AGBL4: variants seen among roughly 807,000 people sequenced by gnomAD.
The protein encoded by AGBL4 is AGBL carboxypeptidase 4.
In AGBL4, 58 loss-of-function variants were observed where a neutral mutation model predicts 66.4. The observed-to-expected ratio is 0.87, with a 90% CI of 0.71 to 1.09. The LOEUF (loss-of-function observed/expected upper bound fraction) is 1.09, where lower values mean the gene tolerates loss of function less well. Ranked by LOEUF, AGBL4 falls within the 50% of genes least tolerant of loss-of-function variation. AGBL4 has a pLI of 0.00. For synonymous variants in AGBL4, 234 were observed against 222.9 expected, an observed-to-expected ratio of 1.05 and a Z score of -0.44; for missense variants, 579 against 631.0, an observed-to-expected ratio of 0.92 and a Z score of 0.88.
intron 4 of AGBL4, among the ~76,000 whole-genome samples, chr1:49,129,937 A>C (rs566756784): frequency 6.6e-5 from 10 of 152,326 alleles, no homozygotes; most frequent in Admixed American, 2.0e-4. Flanking sequence ...CCAACAGTGT[A>C]AAAGTGTTCC....
intron 3 of AGBL4, among the ~76,000 whole-genome samples, chr1:49,428,755 A>C (rs193000606): frequency 1.3e-5 from 2 of 152,362 alleles, no homozygotes; most frequent in African/African-American, 4.8e-5. Context: ...TCGTTGGACT[A>C]GGCCATTTTG....
intron 2 of AGBL4, among the ~76,000 whole-genome samples, chr1:49,821,213 T>C (rs1035217658): frequency 1.3e-5 from 2 of 152,200 alleles, no homozygotes; most frequent in African/African-American, 4.8e-5. Flanking sequence ...ATTTAATAAA[T>C]GTGTATTGAG....
At chr1:48,608,286 C>T (rs1023138811) in intron 9 of AGBL4, among the ~76,000 whole-genome samples, 3 of 152,032 alleles carry the variant, frequency 2.0e-5, no homozygotes, top group African/African-American at 4.8e-5. Flanking sequence ...TCAGAAGAGG[C>T]CTGGGAGCAC....
chr1:49,230,241 G>T (rs1017833672), intron 4 of AGBL4, among the ~76,000 whole-genome samples: 1 of 152,100 alleles, frequency 6.6e-6, no homozygotes, highest in Non-Finnish European at 1.5e-5. Context: ...TTTACCATTT[G>T]TTCATTGAGA....
In AGBL4 at chr1:48,584,991, T is replaced by G. The variant is rs1644796687; in HGVS notation, c.1267+2013A>C. The G allele has an allele frequency of 1.3e-5, 2 of 152,210 alleles. 1 individual carries two copies. The highest frequency in any genetic ancestry group is 4.1e-4 in the South Asian group (2 of 4,828). 9.4% of individuals were successfully genotyped at this position (152,210 alleles called of 1,614,324 possible). On this transcript the variant is annotated intron_variant, in intron 11 of 13. Transcript: ENST00000371839. ...GTAATTATCTCTTCCCTTTTCTGTC[T>G]CCCCAAGTAGACTGAAAGTTCTGTG...
intron 6 of AGBL4, among the ~76,000 whole-genome samples, chr1:48,763,662 C>A (rs1644389962): frequency 6.6e-6 from 1 of 152,182 alleles, no homozygotes; most frequent in African/African-American, 2.4e-5. Flanking sequence ...GCTATGCCTT[C>A]CTGCGCTGAA....
intron 4 of AGBL4, among the ~76,000 whole-genome samples, chr1:49,236,738 C>T (rs919337989): frequency 6.6e-6 from 1 of 152,076 alleles, no homozygotes; most frequent in African/African-American, 2.4e-5. Context: ...CCTGTAACCA[C>T]CACCACAATC....
chr1:48,736,470 AC>A lies in AGBL4; in HGVS notation c.635-73230del. ...AGATGGACCTGAGAGGAATAAGAAC[AC>A]CAGCACCTGTTTAGTCCGACAGGAG... On this transcript the variant is annotated intron_variant, in intron 6 of 13. Transcript: ENST00000371839. This position sits in a 1 kb window ranked among gnomAD's most constrained non-coding sequence, Gnocchi z 4.0. The A allele has an allele frequency of 6.2e-7, 1 of 1,610,730 alleles. No individual in the cohort carries two copies. Among genetic ancestry groups the A allele is most frequent in the Non-Finnish European group, 8.5e-7 (1 of 1,177,208 alleles).
chr1:48,987,479 A>G (rs1432616269), intron 5 of AGBL4, among the ~76,000 whole-genome samples: 1 of 152,042 alleles, frequency 6.6e-6, no homozygotes, highest in Non-Finnish European at 1.5e-5. Context: ...ACAATTCTAA[A>G]TATTTATGCA....
intron 2 of AGBL4, among the ~76,000 whole-genome samples, chr1:49,769,528 A>G (rs941221173): frequency 6.6e-6 from 1 of 152,206 alleles, no homozygotes; most frequent in African/African-American, 2.4e-5. Flanking sequence ...GCAGAAAAAG[A>G]AAGAGCCAGG....
chr1:48,927,529 G>T (rs1654688883), intron 5 of AGBL4, among the ~76,000 whole-genome samples: 1 of 152,136 alleles, frequency 6.6e-6, no homozygotes, highest in South Asian at 2.1e-4. Context: ...CTAGAAACAG[G>T]TTTTCCCTTT....
chr1:48,701,540 A>G (rs1028710560), intron 6 of AGBL4, among the ~76,000 whole-genome samples: 3 of 151,848 alleles, frequency 2.0e-5, no homozygotes, highest in African/African-American at 7.3e-5. Context: ...AGGTGCCATC[A>G]TGGCGCACTG....
At chr1:48,545,809 G>A (rs1052166056) in intron 11 of AGBL4, among the ~76,000 whole-genome samples, 1 of 152,212 alleles carries the variant, frequency 6.6e-6, no homozygotes, top group African/African-American at 2.4e-5. Context: ...GAAATAAAGT[G>A]TGGGTGTAAG....
chr1:48,738,660 TG>T (rs1649443123), intron 6 of AGBL4, among the ~76,000 whole-genome samples: 1 of 152,218 alleles, frequency 6.6e-6, no homozygotes, highest in African/African-American at 2.4e-5. Context: ...TAGAGATGGA[TG>T]CCAACTTTAC....
chr1:49,564,416 T>A (rs1190018231), intron 3 of AGBL4, among the ~76,000 whole-genome samples: 1 of 152,210 alleles, frequency 6.6e-6, no homozygotes, highest in African/African-American at 2.4e-5. Context: ...CAATTTTAGA[T>A]CTTTCCTGCT....
At chr1:49,903,527 A>C (rs1424497137) in intron 1 of AGBL4, among the ~76,000 whole-genome samples, 2 of 152,142 alleles carry the variant, frequency 1.3e-5, no homozygotes, top group Non-Finnish European at 2.9e-5. Context: ...AATAATAATA[A>C]TAATTGTATG....
At chr1:49,348,011 A>G (rs1055894077) in intron 3 of AGBL4, among the ~76,000 whole-genome samples, 6 of 152,116 alleles carry the variant, frequency 3.9e-5, no homozygotes, top group Non-Finnish European at 1.5e-5. Context: ...ATCTGTAAAT[A>G]TTACTTTTTA....
intron 11 of AGBL4, among the ~76,000 whole-genome samples, chr1:48,580,849 C>T (rs1418379167): frequency 6.6e-6 from 1 of 152,174 alleles, no homozygotes; most frequent in Non-Finnish European, 1.5e-5. Context: ...TCTGGCCCAG[C>T]CCCAGCTACC....
chr1:48,804,046 A>C (rs1645867548), intron 6 of AGBL4, among the ~76,000 whole-genome samples: 1 of 152,236 alleles, frequency 6.6e-6, no homozygotes, highest in South Asian at 2.1e-4. Context: ...AAAAAATCCC[A>C]AAAAGTGATA....
Sources: allele counts gnomAD v4.1 joint callset (sites outside exome capture counted in the v4.1 genomes callset), GRCh38; gene constraint gnomAD v4.1.1; non-coding constraint Gnocchi (gnomAD v3.1); transcripts MANE v1.5; gene names NCBI Gene and HGNC (gene_info 2026-07-23, HGNC 2026-07-21).